The following CNTNAP2 variants were observed in gnomAD, a reference collection of about 807,000 sequenced individuals.
CNTNAP2 encodes contactin-associated protein-like 2.
In CNTNAP2, 98 loss-of-function variants were observed where a neutral mutation model predicts 155.2. The ratio of observed to expected loss-of-function variants is 0.63; its 90% CI spans 0.54 to 0.75. CNTNAP2 has a LOEUF of 0.75. CNTNAP2 is among the 30% of genes least tolerant of loss of function. The probability of loss-of-function intolerance (pLI) is 0.00; values close to 1 mark genes in which losing one functional copy is unlikely to be tolerated. For synonymous variants in CNTNAP2, 651 were observed against 631.2 expected, an observed-to-expected ratio of 1.03 and a Z score of -0.47; for missense variants, 1,727 against 1,688.1, an observed-to-expected ratio of 1.02 and a Z score of -0.40.
chr7:146,202,305 AT>A (rs1355522172), intron 1 of CNTNAP2, among the ~76,000 whole-genome samples: 4 of 152,130 alleles, frequency 2.6e-5, no homozygotes, highest in Non-Finnish European at 5.9e-5. Flanking sequence ...CAGCCAAGAT[AT>A]TTTTTTAACT....
chr7:146,173,457 C>G (rs1222039558), intron 1 of CNTNAP2, among the ~76,000 whole-genome samples: 1 of 151,920 alleles, frequency 6.6e-6, no homozygotes, highest in African/African-American at 2.4e-5. Context: ...CCTCACCTCC[C>G]CCCACAACAC....
At chr7:146,956,876 A>AAACTTAAGG (rs1157523405) in intron 3 of CNTNAP2, among the ~76,000 whole-genome samples, 1 of 152,176 alleles carries the variant, frequency 6.6e-6, no homozygotes, top group Admixed American at 6.5e-5. Flanking sequence ...CAGGAACATT[A>AAACTTAAGG]AACTTAAGGG....
At chr7:148,190,788 A>G (rs969540020) in intron 18 of CNTNAP2, 8 of 151,954 alleles carry the variant, frequency 5.3e-5, no homozygotes, top group Non-Finnish European at 1.2e-4. Flanking sequence ...GTTCTGTAGT[A>G]CAAATACTGG....
intron 18 of CNTNAP2, among the ~76,000 whole-genome samples, chr7:148,178,099 T>A (rs142638281): frequency 6.6e-6 from 1 of 152,296 alleles, no homozygotes; most frequent in African/African-American, 2.4e-5. Flanking sequence ...ACATGTGAAT[T>A]GGATATCACC....
chr7:147,712,863 T>C (rs1479284018), intron 13 of CNTNAP2, among the ~76,000 whole-genome samples: 1 of 152,162 alleles, frequency 6.6e-6, no homozygotes, highest in Non-Finnish European at 1.5e-5. Flanking sequence ...CTGCACGTTG[T>C]GCACATGTAC....
At chr7:148,041,562 T>G (rs2116479045) in intron 15 of CNTNAP2, among the ~76,000 whole-genome samples, 1 of 152,334 alleles carries the variant, frequency 6.6e-6, no homozygotes, top group Admixed American at 6.5e-5. Context: ...GAGTGAAACA[T>G]TTTTCCTAAA....
At chr7:147,400,193 T>G (rs1796889051) in intron 10 of CNTNAP2, among the ~76,000 whole-genome samples, 1 of 152,008 alleles carries the variant, frequency 6.6e-6, no homozygotes. Flanking sequence ...ACTCACTTCT[T>G]CCTTCAAGAG....
chr7:147,483,616 C>T (rs1798463370), intron 10 of CNTNAP2, among the ~76,000 whole-genome samples: 1 of 152,276 alleles, frequency 6.6e-6, no homozygotes, highest in South Asian at 2.1e-4. Context: ...ATGTAAATTA[C>T]TTTCAATATT....
At chr7:146,134,063 ATTTG>A (rs1797759250) in intron 1 of CNTNAP2, among the ~76,000 whole-genome samples, 1 of 148,770 alleles carries the variant, frequency 6.7e-6, no homozygotes, top group Non-Finnish European at 1.5e-5. Context: ...ATGTTCTTCC[ATTTG>A]TTTGTATCCT....
At chr7:146,234,784 A>T (rs2116919246) in intron 1 of CNTNAP2, among the ~76,000 whole-genome samples, 1 of 152,340 alleles carries the variant, frequency 6.6e-6, no homozygotes, top group East Asian at 1.9e-4. Context: ...ATTCTGAAAT[A>T]TCAAATGTAT....
At chr7:147,224,374 G>A (rs1803475757) in intron 8 of CNTNAP2, among the ~76,000 whole-genome samples, 1 of 152,048 alleles carries the variant, frequency 6.6e-6, no homozygotes. Context: ...ATATCAAAAT[G>A]TTAGGGTCCA....
intron 15 of CNTNAP2, among the ~76,000 whole-genome samples, chr7:148,074,083 G>C (rs1216308238): frequency 6.6e-6 from 1 of 152,138 alleles, no homozygotes; most frequent in Admixed American, 6.5e-5. Context: ...ACATAAAAGA[G>C]AATTTCCGTA....
chr7:146,539,390 G>T (rs900043675), intron 1 of CNTNAP2, among the ~76,000 whole-genome samples: 7 of 151,862 alleles, frequency 4.6e-5, no homozygotes, highest in African/African-American at 1.7e-4. Context: ...GAAACTACAG[G>T]ACAAAAAACC....
chr7:146,220,297 A>T (rs1799185549), intron 1 of CNTNAP2, among the ~76,000 whole-genome samples: 1 of 152,168 alleles, frequency 6.6e-6, no homozygotes, highest in South Asian at 2.1e-4. Flanking sequence ...CTAAAAAAAA[A>T]AATCACTAGT....
At chr7:146,564,697 G>C (rs1269803641) in intron 1 of CNTNAP2, among the ~76,000 whole-genome samples, 1 of 151,248 alleles carries the variant, frequency 6.6e-6, no homozygotes, top group Admixed American at 6.6e-5. Context: ...TTTTTTGGCT[G>C]TCCACAACAT....
intron 1 of CNTNAP2, among the ~76,000 whole-genome samples, chr7:146,190,789 A>G (rs1299040144): frequency 6.6e-6 from 1 of 152,152 alleles, no homozygotes; most frequent in Non-Finnish European, 1.5e-5. Context: ...CATTTAATAC[A>G]TGCTTTTTTT....
chr7:148,112,704 A>G (rs1407804795), intron 15 of CNTNAP2, among the ~76,000 whole-genome samples: 2 of 152,138 alleles, frequency 1.3e-5, no homozygotes, highest in Non-Finnish European at 2.9e-5. Flanking sequence ...TTGAATTTCA[A>G]TATAACCAAA....
Position 146,195,740 on chromosome 7 carries a change from T to C in CNTNAP2, c.97+78767T>C, listed in dbSNP as rs984637689. On this transcript the variant is annotated intron_variant, in intron 1 of 23. Transcript: ENST00000361727. ...GCAGATACTGAGATACTGACTGCACTCCTGCCAATGGAAGACCATCCAGGC... is the reference window on the plus strand; with the variant it reads ...GCAGATACTGAGATACTGACTGCACCCCTGCCAATGGAAGACCATCCAGGC... Among the ~76,000 whole-genome samples, 4 of 152,174 alleles carry C rather than the reference T, an allele frequency of 2.6e-5. No homozygotes were observed. In the East Asian group the frequency reaches 7.7e-4, roughly 29 times the overall value.
At chr7:147,262,226 C>T (rs1804488746) in intron 8 of CNTNAP2, among the ~76,000 whole-genome samples, 1 of 152,128 alleles carries the variant, frequency 6.6e-6, no homozygotes, top group Non-Finnish European at 1.5e-5. Context: ...GTTTAAAAAA[C>T]CTGCAATGAT....
Sources: gnomAD v4.1 joint callset for allele counts (sites outside exome capture counted in the v4.1 genomes callset) on GRCh38, gnomAD v4.1.1 for gene constraint, MANE v1.5 for transcripts, NCBI Gene and HGNC (gene_info 2026-07-23, HGNC 2026-07-21) for gene names.